Variants in NFIA observed in about 807,000 individuals in gnomAD.
The protein encoded by NFIA is nuclear factor 1 A-type.
Under a neutral mutation model 62.8 loss-of-function variants are expected in NFIA, and 8 were observed. The ratio of observed to expected loss-of-function variants is 0.13; its 90% CI spans 0.07 to 0.23. The LOEUF (loss-of-function observed/expected upper bound fraction) is 0.23. Among genes scored for constraint, NFIA ranks in the 10% least tolerant of loss-of-function variants. The probability of loss-of-function intolerance (pLI) is 1.00; values close to 1 mark genes in which losing one functional copy is unlikely to be tolerated. For synonymous variants in NFIA, 235 were observed against 238.1 expected, an observed-to-expected ratio of 0.99 and a Z score of 0.12; for missense variants, 410 against 642.1, an observed-to-expected ratio of 0.64 and a Z score of 3.91.
intron 2 of NFIA, among the ~76,000 whole-genome samples, chr1:61,264,954 C>A (rs918432532): frequency 2.6e-5 from 4 of 152,122 alleles, no homozygotes; most frequent in Non-Finnish European, 4.4e-5. Context: ...GGTGGGACCC[C>A]ATGACTGGTT....
chr1:61,198,034 A>G (rs983071178), intron 2 of NFIA, among the ~76,000 whole-genome samples: 15 of 152,180 alleles, frequency 9.9e-5, no homozygotes, highest in Admixed American at 3.3e-4. Flanking sequence ...ACGAACAGAC[A>G]TAGATAGTCT....
At chr1:61,440,458 C>A (rs945360648) in intron 10 of NFIA, among the ~76,000 whole-genome samples, 3 of 152,118 alleles carry the variant, frequency 2.0e-5, no homozygotes, top group African/African-American at 7.2e-5. Context: ...GGATGAAGGC[C>A]TCCTTTTGAA....
intron 1 of NFIA, among the ~76,000 whole-genome samples, chr1:61,086,183 A>G (rs1646215036): frequency 1.3e-5 from 2 of 152,130 alleles, no homozygotes; most frequent in East Asian, 1.9e-4. Context: ...AGTTTTTTGC[A>G]TAATACAACA....
chr1:61,455,263 AAATTGTGATTTT>A lies in NFIA; in HGVS notation c.1513-33_1513-22del, dbSNP rs1332578258. On this transcript the variant is annotated intron_variant, in intron 10 of 10. Transcript: ENST00000403491. The stretch of plus-strand genomic sequence containing the variant: ...CAACTTCTAAAACACACGTTTTTAC[AAATTGTGATTTT>A]AATTGTATTTTTCCTTTTGTCTTCC... The A allele has an allele frequency of 2.5e-6, 4 of 1,611,656 alleles. No homozygotes were observed. In the South Asian group the frequency reaches 4.4e-5, roughly 18 times the overall value.
At chr1:61,383,145 T>G in intron 6 of NFIA, 92 bp from the exon 7 acceptor site, 1 of 1,477,970 alleles carries the variant, frequency 6.8e-7, no homozygotes, top group Admixed American at 2.0e-5. Context: ...CTCTTTTTGT[T>G]TGTTTTTAAT....
chr1:61,124,486 T>C (rs768010556), intron 2 of NFIA, among the ~76,000 whole-genome samples: 3 of 152,192 alleles, frequency 2.0e-5, no homozygotes, highest in Non-Finnish European at 4.4e-5. Flanking sequence ...AAGGATTTTC[T>C]ATTTTGACAT....
chr1:61,447,748 T>C (rs1667875955), intron 10 of NFIA, among the ~76,000 whole-genome samples: 1 of 152,190 alleles, frequency 6.6e-6, no homozygotes, highest in South Asian at 2.1e-4. Context: ...CATAAAAAGA[T>C]TTACAAAATG....
intron 2 of NFIA, among the ~76,000 whole-genome samples, chr1:61,211,814 C>G (rs1653280439): frequency 1.3e-5 from 2 of 152,136 alleles, no homozygotes; most frequent in African/African-American, 4.8e-5. Context: ...CCTTGCACCT[C>G]AGCCCCCAAG....
chr1:61,322,597 G>T (rs1283755977), intron 3 of NFIA, among the ~76,000 whole-genome samples: 1 of 151,098 alleles, frequency 6.6e-6, no homozygotes, highest in Non-Finnish European at 1.5e-5. Context: ...TTCACTTTCT[G>T]GTTGTGGCCA....
At chr1:61,368,003 C>T (rs78648761) in intron 6 of NFIA, among the ~76,000 whole-genome samples, 6,729 of 152,252 alleles carry the variant, frequency 0.044, 195 homozygotes, top group Admixed American at 0.087. Flanking sequence ...AGAAGCAGAG[C>T]GATGTATACG....
At chr1:61,386,305 C>A (rs780304735) in intron 7 of NFIA, among the ~76,000 whole-genome samples, 1 of 152,162 alleles carries the variant, frequency 6.6e-6, no homozygotes, top group South Asian at 2.1e-4. Flanking sequence ...CTCTGACACT[C>A]CTTGTATTGG....
chr1:61,234,550 C>T lies in NFIA; in HGVS notation c.560-42970C>T, dbSNP rs1027763136. 4.6e-5 allele frequency among the ~76,000 whole-genome samples: 7 copies of T among 152,160 alleles called. 1 individual carries two copies. The highest frequency in any genetic ancestry group is 4.6e-4 in the Admixed American group (7 of 15,280). On this transcript the variant is annotated intron_variant, in intron 2 of 10. Coordinates refer to ENST00000403491, the MANE Select transcript of NFIA (RefSeq NM_001134673.4). The stretch of plus-strand genomic sequence containing the variant: ...TTGTTTCTACCCACCTACCATATTA[C>T]TTTGCCCTTACTAATCCCTTCATAA...
chr1:61,202,711 T>C (rs1406608258), intron 2 of NFIA, among the ~76,000 whole-genome samples: 1 of 152,234 alleles, frequency 6.6e-6, no homozygotes, highest in African/African-American at 2.4e-5. Flanking sequence ...TTTCCACCCT[T>C]ATGTTTTATT....
At chr1:61,242,200 C>T (rs1655387436) in intron 2 of NFIA, among the ~76,000 whole-genome samples, 1 of 152,134 alleles carries the variant, frequency 6.6e-6, no homozygotes, top group African/African-American at 2.4e-5. Context: ...ATACCGGATG[C>T]AGGGTCCAAC....
At chr1:61,208,890 A>G (rs1167968223) in intron 2 of NFIA, among the ~76,000 whole-genome samples, 2 of 152,300 alleles carry the variant, frequency 1.3e-5, no homozygotes, top group African/African-American at 4.8e-5. Context: ...CTTGATGATT[A>G]AGTAGTGGGC....
intron 9 of NFIA, among the ~76,000 whole-genome samples, chr1:61,424,796 A>G (rs1356276604): frequency 6.6e-6 from 1 of 152,222 alleles, no homozygotes; most frequent in Admixed American, 6.5e-5. Context: ...AAGTAAAGCC[A>G]TGGGGTGAAT....
At chr1:61,113,319 G>A (rs1570178978) in intron 2 of NFIA, among the ~76,000 whole-genome samples, 1 of 151,958 alleles carries the variant, frequency 6.6e-6, no homozygotes, top group African/African-American at 2.4e-5. Context: ...TGGGCCAGGT[G>A]CAGGGGATCA....
chr1:61,326,205 ACT>A (rs1475133170), intron 3 of NFIA, among the ~76,000 whole-genome samples: 1 of 152,086 alleles, frequency 6.6e-6, no homozygotes, highest in Non-Finnish European at 1.5e-5. Flanking sequence ...CTGCCCTTTA[ACT>A]CTATTTTTAC....
chr1:61,379,071 C>T (rs1339528773), intron 6 of NFIA, among the ~76,000 whole-genome samples: 3 of 152,140 alleles, frequency 2.0e-5, no homozygotes. Flanking sequence ...TGCAATATAA[C>T]ATAACCTAAT....
Sources: allele counts gnomAD v4.1 joint callset (sites outside exome capture counted in the v4.1 genomes callset), GRCh38; gene constraint gnomAD v4.1.1; transcripts MANE v1.5; gene names NCBI Gene and HGNC (gene_info 2026-07-23, HGNC 2026-07-21).